CSMD1: variants seen among roughly 807,000 people sequenced by gnomAD.
CSMD1 encodes CUB and sushi domain-containing protein 1.
In CSMD1, 213 loss-of-function variants were observed where a neutral mutation model predicts 417.5. The ratio of observed to expected loss-of-function variants is 0.51; its 90% CI spans 0.46 to 0.57. The LOEUF (loss-of-function observed/expected upper bound fraction) is 0.57. Among genes scored for constraint, CSMD1 ranks in the 20% least tolerant of loss-of-function variants. CSMD1 has a pLI of 0.00. For synonymous variants in CSMD1, 2,862 were observed against 1,736.8 expected, an observed-to-expected ratio of 1.65 and a Z score of -16.11; for missense variants, 6,923 against 4,529.7, an observed-to-expected ratio of 1.53 and a Z score of -15.17.
intron 37 of CSMD1, among the ~76,000 whole-genome samples, chr8:3,172,886 T>C (rs1485345977): frequency 1.3e-5 from 2 of 152,162 alleles, no homozygotes; most frequent in African/African-American, 2.4e-5. Context: ...TATCTCATGA[T>C]TGATGATTTT....
At chr8:4,224,176 A>G (rs1376594502) in intron 3 of CSMD1, among the ~76,000 whole-genome samples, 1 of 152,154 alleles carries the variant, frequency 6.6e-6, no homozygotes, top group Non-Finnish European at 1.5e-5. Flanking sequence ...ACAAAACTAT[A>G]GACAAGTGAA....
At chr8:4,374,174 C>A (rs1258826706) in intron 3 of CSMD1, among the ~76,000 whole-genome samples, 1 of 152,128 alleles carries the variant, frequency 6.6e-6, no homozygotes, top group South Asian at 2.1e-4. Flanking sequence ...TTAGATCCCC[C>A]CTCTGAGTTC....
chr8:4,451,929 T>C (rs1023693242), intron 2 of CSMD1, among the ~76,000 whole-genome samples: 2 of 149,326 alleles, frequency 1.3e-5, no homozygotes, highest in Non-Finnish European at 3.0e-5. Context: ...AGATGTAAAA[T>C]TTAATGTATA....
intron 26 of CSMD1, among the ~76,000 whole-genome samples, chr8:3,274,420 G>C (rs1802112552): frequency 6.6e-6 from 1 of 152,156 alleles, no homozygotes; most frequent in Non-Finnish European, 1.5e-5. Context: ...TTGGGGTGGA[G>C]AGTTCTGTAG....
intron 41 of CSMD1, among the ~76,000 whole-genome samples, chr8:3,133,562 C>G (rs750045578): frequency 6.6e-6 from 1 of 152,150 alleles, no homozygotes; most frequent in African/African-American, 2.4e-5. Context: ...CCTAACCCAC[C>G]AGGAATGAAG....
intron 3 of CSMD1, among the ~76,000 whole-genome samples, chr8:4,262,627 C>G (rs1021769431): frequency 6.6e-6 from 1 of 152,106 alleles, no homozygotes; most frequent in South Asian, 2.1e-4. Flanking sequence ...AAACAGCCAT[C>G]GCCACCCAGT....
chr8:3,678,903 AT>A (rs1449165660), intron 7 of CSMD1, among the ~76,000 whole-genome samples: 1 of 152,152 alleles, frequency 6.6e-6, no homozygotes, highest in Non-Finnish European at 1.5e-5. Flanking sequence ...AAAGAAAACA[AT>A]TTTCAACCCA....
intron 26 of CSMD1, among the ~76,000 whole-genome samples, chr8:3,243,661 A>G (rs1220148790): frequency 6.6e-6 from 1 of 152,206 alleles, no homozygotes; most frequent in Non-Finnish European, 1.5e-5. Flanking sequence ...GGATGTGTAC[A>G]TGCAGGTCAC....
intron 5 of CSMD1, among the ~76,000 whole-genome samples, chr8:3,812,505 GAAAA>G (rs963335662): frequency 4.6e-5 from 7 of 152,168 alleles, no homozygotes; most frequent in Non-Finnish European, 7.4e-5. Context: ...TCACAACACT[GAAAA>G]ACAGTTTGTG....
At chr8:4,646,038 G>A (rs990096143) in intron 1 of CSMD1, among the ~76,000 whole-genome samples, 1 of 152,124 alleles carries the variant, frequency 6.6e-6, no homozygotes, top group African/African-American at 2.4e-5. Context: ...CGATGTTTTG[G>A]AAATAAACGA....
intron 41 of CSMD1, among the ~76,000 whole-genome samples, chr8:3,135,663 C>T (rs1047807909): frequency 2.7e-5 from 4 of 149,224 alleles, no homozygotes; most frequent in East Asian, 2.0e-4. Context: ...CTCTGTGAAC[C>T]GGCTTCTTCC....
At chr8:4,526,872 G>C (rs1414360711) in intron 2 of CSMD1, among the ~76,000 whole-genome samples, 1 of 151,850 alleles carries the variant, frequency 6.6e-6, no homozygotes, top group Non-Finnish European at 1.5e-5. Context: ...AGGATATTTA[G>C]CCATGATTCC....
In CSMD1 at chr8:3,396,229, C is replaced by A; in HGVS notation, c.2558G>T (p.Ser853Ile). 1 of 1,571,402 alleles carries A rather than the reference C, an allele frequency of 6.4e-7. No homozygotes were observed. The highest frequency in any genetic ancestry group is 8.6e-7 in the Non-Finnish European group (1 of 1,158,216). The change falls in exon 17 of 70, where the codon AGC becomes ATC. Residue 853 changes from serine (S) to isoleucine (I), a missense_variant. By Grantham distance (142) the Ser-to-Ile change is moderately radical. Transcript: ENST00000635120. ...FMYLLFTTDN[S>I]RSSIGFLIHY... ...GATGAGGAAGCCGATGCTGGAGCGG[C>A]TGTTGTCAGTGGTGAACAGCAGGTA...
At chr8:4,213,066 G>A (rs977257084) in intron 3 of CSMD1, among the ~76,000 whole-genome samples, 2 of 152,102 alleles carry the variant, frequency 1.3e-5, no homozygotes, top group Admixed American at 6.6e-5. Context: ...GTCACTTTGA[G>A]CTAATGTCTA....
chr8:4,428,267 G>T (rs548583567), intron 2 of CSMD1, among the ~76,000 whole-genome samples: 1 of 152,158 alleles, frequency 6.6e-6, no homozygotes, highest in Non-Finnish European at 1.5e-5. Flanking sequence ...CTTGATACAA[G>T]GAAAATCAGG....
chr8:3,278,552 T>G (rs951200245), intron 26 of CSMD1: 13 of 152,230 alleles, frequency 8.5e-5, no homozygotes, highest in Admixed American at 7.9e-4. Context: ...TTGAGTTCTA[T>G]TTAAAAATTT....
chr8:3,038,911 G>A (rs1372732387), intron 50 of CSMD1, among the ~76,000 whole-genome samples: 1 of 152,172 alleles, frequency 6.6e-6, no homozygotes, highest in Non-Finnish European at 1.5e-5. Flanking sequence ...ATGGAGACAA[G>A]CCATAAAAAC....
chr8:3,358,994 C>A (rs905321358), intron 21 of CSMD1, among the ~76,000 whole-genome samples, 158 bp downstream of exon 21: 1 of 152,106 alleles, frequency 6.6e-6, no homozygotes, highest in Admixed American at 6.6e-5. Context: ...AGCAGTTAGG[C>A]AGCTCCCCTC....
chr8:4,311,771 G>T (rs1232991829), intron 3 of CSMD1, among the ~76,000 whole-genome samples: 1 of 151,250 alleles, frequency 6.6e-6, no homozygotes, highest in Non-Finnish European at 1.5e-5. Flanking sequence ...GTTCATAGAG[G>T]GGAACACATA....
Sources: allele counts gnomAD v4.1 joint callset (sites outside exome capture counted in the v4.1 genomes callset), GRCh38; gene constraint gnomAD v4.1.1; transcripts MANE v1.5; gene names NCBI Gene and HGNC (gene_info 2026-07-23, HGNC 2026-07-21).